The following SMIM35 variants were observed in gnomAD, a reference collection of about 807,000 sequenced individuals.
The protein encoded by SMIM35 is TMPRSS4 antisense RNA 1 (non-protein coding).
intron 1 of SMIM35, among the ~76,000 whole-genome samples, chr11:118,022,032 CTTT>C (rs761119844): frequency 5.8e-5 from 7 of 120,640 alleles, no homozygotes; most frequent in Admixed American, 8.9e-5. Context: ...AACAATAAGT[CTTT>C]TTTTTTTTTT....
At chr11:118,018,552 C>A (rs528908236) in intron 1 of SMIM35, among the ~76,000 whole-genome samples, 1 of 152,238 alleles carries the variant, frequency 6.6e-6, no homozygotes, top group South Asian at 2.1e-4. Flanking sequence ...CACAGGTGGA[C>A]GGACAGATGT....
intron 1 of SMIM35, among the ~76,000 whole-genome samples, chr11:118,040,999 AGAG>A (rs1253018357): frequency 2.0e-5 from 3 of 151,912 alleles, no homozygotes; most frequent in African/African-American, 4.8e-5. Flanking sequence ...AATACACAAA[AGAG>A]GAGAAGAGAC....
intron 1 of SMIM35, among the ~76,000 whole-genome samples, chr11:118,059,702 T>C (rs1472480384): frequency 6.6e-6 from 1 of 151,980 alleles, no homozygotes; most frequent in Admixed American, 6.5e-5. Flanking sequence ...TAGCTCTACC[T>C]CCATTCATTT....
intron 1 of SMIM35, among the ~76,000 whole-genome samples, chr11:118,075,698 C>T (rs920247233): frequency 1.3e-5 from 2 of 152,204 alleles, no homozygotes; most frequent in East Asian, 1.9e-4. Flanking sequence ...CAAATACACA[C>T]GTCTAACCCA....
chr11:118,039,898 A>T (rs1355993218), intron 1 of SMIM35, among the ~76,000 whole-genome samples: 1 of 151,856 alleles, frequency 6.6e-6, no homozygotes, highest in African/African-American at 2.4e-5. Flanking sequence ...TACAAAAATT[A>T]GCCGGGTGTG....
At chr11:118,084,468 A>G (rs1225185734) in intron 1 of SMIM35, among the ~76,000 whole-genome samples, 1 of 152,240 alleles carries the variant, frequency 6.6e-6, no homozygotes, top group African/African-American at 2.4e-5. Flanking sequence ...TCCTGAGCTC[A>G]GAGTTCACAG....
intron 1 of SMIM35, among the ~76,000 whole-genome samples, chr11:118,066,906 T>TA (rs762980775): frequency 3.3e-5 from 5 of 152,056 alleles, no homozygotes; most frequent in Non-Finnish European, 5.9e-5. Context: ...ATGAGATTGT[T>TA]ACAATTTTAC....
At chr11:118,039,183 C>A (rs1181465400) in intron 1 of SMIM35, among the ~76,000 whole-genome samples, 1 of 152,058 alleles carries the variant, frequency 6.6e-6, no homozygotes, top group African/African-American at 2.4e-5. Flanking sequence ...GGAGAAAGAC[C>A]AACTGGGAGG....
intron 1 of SMIM35, among the ~76,000 whole-genome samples, chr11:118,054,518 C>A (rs562029193): frequency 1.3e-5 from 2 of 152,132 alleles, no homozygotes; most frequent in African/African-American, 2.4e-5. Context: ...TGGGTGCACA[C>A]AAGTAACAAC....
At position 118,048,865 on chromosome 11, in the gene SMIM35, C is replaced by T. The variant is rs529035801; in HGVS notation, c.8-33056G>A. On this transcript the variant is annotated intron_variant, in intron 1 of 4. Coordinates refer to ENST00000689828, the MANE Select transcript of SMIM35 (RefSeq NM_001394165.1). Reference sequence around the variant, plus strand: ...GAGTGAAGTGTCACAGGTCCTGGGCCAGGATGGGGAAGGGGAAAACCTGCC... The same window carrying T: ...GAGTGAAGTGTCACAGGTCCTGGGCTAGGATGGGGAAGGGGAAAACCTGCC... 4.3e-5 allele frequency among the ~76,000 whole-genome samples: 6 copies of T among 138,260 alleles called. No individual in the cohort carries two copies. The East Asian group carries it at 1.2e-3, about 29-fold the overall frequency. 90.7% of individuals were successfully genotyped at this position (138,260 alleles called of 152,430 possible). A position where few individuals can be genotyped will look rare whatever the true frequency, so the allele number is the denominator to read the frequency against.
chr11:118,056,210 T>C (rs2135112702), intron 1 of SMIM35, among the ~76,000 whole-genome samples: 1 of 152,176 alleles, frequency 6.6e-6, no homozygotes, highest in Middle Eastern at 3.4e-3. Flanking sequence ...GGTTGGGACA[T>C]GCTGGGAGTA....
At chr11:118,029,531 G>A in intron 1 of SMIM35, 1 of 400,466 alleles carries the variant, frequency 2.5e-6, no homozygotes, top group Non-Finnish European at 4.9e-6. Context: ...TCTGCCAATA[G>A]GAGGCAATAG....
chr11:118,065,609 T>C (rs1370697719), intron 1 of SMIM35, among the ~76,000 whole-genome samples: 1 of 152,194 alleles, frequency 6.6e-6, no homozygotes, highest in Non-Finnish European at 1.5e-5. Flanking sequence ...CTTCAATCTC[T>C]GGTTGGTCTC....
intron 1 of SMIM35, among the ~76,000 whole-genome samples, chr11:118,037,575 C>G (rs1486755025): frequency 2.6e-5 from 4 of 152,158 alleles, no homozygotes; most frequent in Non-Finnish European, 5.9e-5. Flanking sequence ...CATCTTTCCC[C>G]TAAAGATAAA....
At chr11:118,016,073 G>T (rs891611696) in intron 1 of SMIM35, among the ~76,000 whole-genome samples, 1 of 152,140 alleles carries the variant, frequency 6.6e-6, no homozygotes, top group African/African-American at 2.4e-5. Flanking sequence ...AGGTCTTTTT[G>T]AAGCCACAGG....
intron 1 of SMIM35, among the ~76,000 whole-genome samples, chr11:118,084,715 T>C (rs905495884): frequency 6.6e-6 from 1 of 152,234 alleles, no homozygotes; most frequent in Non-Finnish European, 1.5e-5. Flanking sequence ...TCCTCTATGT[T>C]TCAAGCACCA....
intron 1 of SMIM35, among the ~76,000 whole-genome samples, chr11:118,047,269 G>T (rs953123118): frequency 6.6e-6 from 1 of 152,224 alleles, no homozygotes; most frequent in Non-Finnish European, 1.5e-5. Context: ...ATTTATTGGC[G>T]ATCTCATCTG....
chr11:118,031,615 T>C (rs2058320363), intron 1 of SMIM35, among the ~76,000 whole-genome samples: 1 of 151,956 alleles, frequency 6.6e-6, no homozygotes, highest in Admixed American at 6.6e-5. Flanking sequence ...ATAGAAACCA[T>C]GAGTCCAAAA....
chr11:118,049,509 C>G (rs569572650), intron 1 of SMIM35, among the ~76,000 whole-genome samples: 2 of 151,566 alleles, frequency 1.3e-5, no homozygotes, highest in Non-Finnish European at 2.9e-5. Context: ...CCACCACGCC[C>G]GGCTAATTTT....
Sources: gnomAD v4.1 joint callset for allele counts (sites outside exome capture counted in the v4.1 genomes callset) on GRCh38, gnomAD v4.1.1 for gene constraint, MANE v1.5 for transcripts, NCBI Gene and HGNC (gene_info 2026-07-23, HGNC 2026-07-21) for gene names.